CNTNAP3B: variants seen among roughly 807,000 people sequenced by gnomAD.
CNTNAP3B encodes the protein contactin associated protein family member 3B.
A neutral mutation model predicts 108.9 loss-of-function variants in CNTNAP3B; 25 were observed. The ratio of observed to expected loss-of-function variants is 0.23; its 90% CI spans 0.17 to 0.32. The LOEUF is 0.32. Among genes scored for constraint, CNTNAP3B ranks in the 10% least tolerant of loss-of-function variants. The probability of loss-of-function intolerance (pLI) is 1.00; values close to 1 mark genes in which losing one functional copy is unlikely to be tolerated. For synonymous variants in CNTNAP3B, 103 were observed against 473.4 expected, an observed-to-expected ratio of 0.22 and a Z score of 10.16; for missense variants, 252 against 1,210.4, an observed-to-expected ratio of 0.21 and a Z score of 11.75.
At chr9:41,963,907 G>A (rs1236102925) in intron 11 of CNTNAP3B, among the ~76,000 whole-genome samples, 1 of 152,304 alleles carries the variant, frequency 6.6e-6, no homozygotes, top group Non-Finnish European at 1.5e-5. Context: ...CAAAGCAATA[G>A]CAGAGGGCTG....
chr9:41,928,584 G>C (rs1823884872), intron 15 of CNTNAP3B, among the ~76,000 whole-genome samples: 1 of 152,294 alleles, frequency 6.6e-6, no homozygotes. Context: ...TGTACAGAGA[G>C]GCTCAGGCTC....
chr9:41,997,425 C>T (rs1185363575), intron 6 of CNTNAP3B, 143 bp downstream of exon 6: 3 of 1,244,638 alleles, frequency 2.4e-6, no homozygotes, highest in Non-Finnish European at 3.3e-6. Flanking sequence ...TATTAGAAGG[C>T]ATAAACAGTT....
intron 8 of CNTNAP3B, among the ~76,000 whole-genome samples, chr9:41,990,230 G>T (rs1330531431): frequency 5.1e-5 from 7 of 137,038 alleles, no homozygotes; most frequent in African/African-American, 1.7e-4. Flanking sequence ...CCTAACACTG[G>T]TTCTCTCATC....
chr9:42,094,691 G>GA (rs1414638446), intron 2 of CNTNAP3B, among the ~76,000 whole-genome samples: 1 of 70,334 alleles, frequency 1.4e-5, no homozygotes, highest in African/African-American at 6.0e-5. Flanking sequence ...GAGGGGAAAA[G>GA]AAAAAAAGAG....
intron 14 of CNTNAP3B, among the ~76,000 whole-genome samples, chr9:41,934,216 T>C (rs186443398): frequency 0.016 from 2,077 of 129,432 alleles, 18 homozygotes; most frequent in African/African-American, 0.059. Context: ...CACACACACA[T>C]ACTTTTTTTT....
At chr9:42,118,358 A>G (rs1828371695) in intron 1 of CNTNAP3B, among the ~76,000 whole-genome samples, 1 of 139,896 alleles carries the variant, frequency 7.1e-6, no homozygotes, top group South Asian at 2.3e-4. Context: ...CCTGGGACGC[A>G]AGGCTGGTTC....
chr9:42,121,126 C>A (rs1828452912), intron 1 of CNTNAP3B, among the ~76,000 whole-genome samples: 1 of 138,700 alleles, frequency 7.2e-6, no homozygotes, highest in South Asian at 2.3e-4. Flanking sequence ...AGTGCTGAAT[C>A]CCTGGACAGG....
chr9:41,976,999 C>T (rs574938024), intron 9 of CNTNAP3B, among the ~76,000 whole-genome samples: 2 of 143,674 alleles, frequency 1.4e-5, no homozygotes, highest in Non-Finnish European at 3.0e-5. Context: ...AATTGCCTAA[C>T]AATAGCAAAA....
chr9:42,002,816 T>C (rs12352036), intron 4 of CNTNAP3B, among the ~76,000 whole-genome samples: 54,248 of 128,620 alleles, frequency 0.42, 15,374 homozygotes, highest in East Asian at 0.7. Context: ...AGTATGACGC[T>C]TCTGAAAAGC....
intron 1 of CNTNAP3B, among the ~76,000 whole-genome samples, chr9:42,114,757 A>C (rs1313480770): frequency 7.4e-6 from 1 of 134,394 alleles, no homozygotes; most frequent in Non-Finnish European, 1.6e-5. Flanking sequence ...GTTCCACTGA[A>C]GAAGAGAGAA....
At chr9:42,044,193 C>T (rs1199556254) in intron 3 of CNTNAP3B, among the ~76,000 whole-genome samples, 1 of 141,654 alleles carries the variant, frequency 7.1e-6, no homozygotes, top group Non-Finnish European at 1.5e-5. Flanking sequence ...TGGCATATTG[C>T]TACAATTTTC....
At chr9:42,070,757 T>C (rs1367173826) in intron 3 of CNTNAP3B, among the ~76,000 whole-genome samples, 2 of 152,176 alleles carry the variant, frequency 1.3e-5, no homozygotes, top group Non-Finnish European at 2.9e-5. Flanking sequence ...ACCTTCCTTC[T>C]GCCCCCTCCG....
intron 15 of CNTNAP3B, chr9:41,926,848 G>A (rs1288408275): frequency 6.6e-6 from 1 of 152,462 alleles, no homozygotes; most frequent in Non-Finnish European, 1.5e-5. Context: ...GCCACATTTG[G>A]AGAGAAATGA....
chr9:41,928,504 C>T (rs545151610), intron 15 of CNTNAP3B, among the ~76,000 whole-genome samples: 390 of 151,812 alleles, frequency 2.6e-3, no homozygotes, highest in African/African-American at 9.1e-3. Flanking sequence ...GCTGCCTACA[C>T]GATTGGCTAC....
At chr9:41,954,931 C>A (rs1411345826) in intron 12 of CNTNAP3B, among the ~76,000 whole-genome samples, 4 of 152,030 alleles carry the variant, frequency 2.6e-5, no homozygotes, top group Admixed American at 6.6e-5. Context: ...GGTGATCCAC[C>A]CGCCTTGGCC....
rs533292917 is a variant in CNTNAP3B, at chr9:42,035,801, G to A, written c.391-22276C>T. 2.0e-4 allele frequency among the ~76,000 whole-genome samples: 30 copies of A among 149,248 alleles called. 1 individual carries two copies. Among genetic ancestry groups the A allele is most frequent in the African/African-American group, 7.0e-4 (28 of 39,732 alleles). On this transcript the variant is annotated intron_variant, in intron 3 of 23. Transcript: ENST00000377561. ...GCCTCCTGAGCAGCTGGGACTACAG[G>A]TGTGTGCCACTATGCCCAGCTAATT... is the stretch of plus-strand genomic sequence containing the variant.
intron 3 of CNTNAP3B, among the ~76,000 whole-genome samples, chr9:42,020,368 T>C (rs1826290131): frequency 6.6e-6 from 1 of 151,906 alleles, no homozygotes; most frequent in Admixed American, 6.5e-5. Flanking sequence ...TAGTTAAATG[T>C]TAAAATACCT....
intron 13 of CNTNAP3B, among the ~76,000 whole-genome samples, chr9:41,938,677 G>C (rs1824234483): frequency 6.6e-6 from 1 of 152,254 alleles, no homozygotes; most frequent in Admixed American, 6.5e-5. Flanking sequence ...ACTTTCTATA[G>C]AAATAACATT....
chr9:42,091,847 C>T lies in CNTNAP3B; in HGVS notation c.196+12782G>A, dbSNP rs1006104433. 1.5e-4 allele frequency among the ~76,000 whole-genome samples: 14 copies of T among 90,948 alleles called. 5 individuals carry two copies. Among genetic ancestry groups the T allele is most frequent in the Non-Finnish European group, 3.2e-4 (14 of 43,758 alleles). The allele number at this position is 90,948 out of a possible 152,430, so 59.7% of individuals were successfully genotyped here. A position where few individuals can be genotyped will look rare whatever the true frequency, so the allele number is the denominator to read the frequency against. ...CTTACTAAAATATGTGGAAACTTAG[C>T]AACTTTGAGCATCATAAAAAATAAA... On this transcript the variant is annotated intron_variant, in intron 2 of 23. Transcript: ENST00000377561.
Sources: gnomAD v4.1 joint callset for allele counts (sites outside exome capture counted in the v4.1 genomes callset) on GRCh38, gnomAD v4.1.1 for gene constraint, MANE v1.5 for transcripts, NCBI Gene and HGNC (gene_info 2026-07-23, HGNC 2026-07-21) for gene names.